Variants in TM9SF3 observed in about 807,000 individuals in gnomAD.
TM9SF3 encodes the protein SM-11044-binding protein.
TM9SF3 carries 14 observed loss-of-function variants against 78.6 expected under a neutral mutation model. The observed-to-expected ratio is 0.18, with a 90% CI of 0.12 to 0.28. The LOEUF (loss-of-function observed/expected upper bound fraction) is 0.28, where lower values mean the gene tolerates loss of function less well. TM9SF3 is among the 10% of genes least tolerant of loss of function. The pLI is 1.00. For missense variants in TM9SF3, 496 were observed against 721.9 expected (o/e 0.69, Z 3.59); for synonymous variants, 231 against 241.7 (o/e 0.96, Z 0.41).
intron 3 of TM9SF3, among the ~76,000 whole-genome samples, chr10:96,564,365 A>C (rs1316120282): frequency 6.6e-6 from 1 of 152,212 alleles, no homozygotes; most frequent in Non-Finnish European, 1.5e-5. Context: ...AAAAATCTTC[A>C]GTGAATATTC....
chr10:96,565,119 CA>C (rs1848353870), intron 3 of TM9SF3, among the ~76,000 whole-genome samples, 184 bp downstream of exon 3: 1 of 152,074 alleles, frequency 6.6e-6, no homozygotes, highest in African/African-American at 2.4e-5. Context: ...TCATGTAAGG[CA>C]TGGCAATGTC....
chr10:96,571,343 T>G (rs1451324088), intron 2 of TM9SF3, among the ~76,000 whole-genome samples: 1 of 152,178 alleles, frequency 6.6e-6, no homozygotes. Context: ...TACCCTCAAC[T>G]TATCCCTGTA....
chr10:96,575,070 T>TAA (rs879589541), intron 2 of TM9SF3, among the ~76,000 whole-genome samples: 1 of 143,610 alleles, frequency 7.0e-6, no homozygotes, highest in African/African-American at 2.5e-5. Context: ...CTTAAAGTAT[T>TAA]AAAAAAAAAA....
chr10:96,524,786 A>T (rs1847820049), intron 14 of TM9SF3, among the ~76,000 whole-genome samples: 1 of 152,060 alleles, frequency 6.6e-6, no homozygotes, highest in African/African-American at 2.4e-5. Flanking sequence ...TTTTAGCAAC[A>T]TAAATTGATG....
At chr10:96,551,678 A>G (rs1440146281) in intron 6 of TM9SF3, among the ~76,000 whole-genome samples, 1 of 152,204 alleles carries the variant, frequency 6.6e-6, no homozygotes, top group East Asian at 1.9e-4. Context: ...ACAAAAAGAA[A>G]TGGTCAAATT....
At chr10:96,569,673 T>C (rs1848417680) in intron 2 of TM9SF3, among the ~76,000 whole-genome samples, 2 of 152,170 alleles carry the variant, frequency 1.3e-5, no homozygotes, top group South Asian at 2.1e-4. Flanking sequence ...GAAATACTTA[T>C]GTGCAATAGC....
At chr10:96,577,221 G>C (rs774481031) in intron 1 of TM9SF3, among the ~76,000 whole-genome samples, 3 of 135,950 alleles carry the variant, frequency 2.2e-5, no homozygotes, top group Non-Finnish European at 4.7e-5. Context: ...AGTTTATCCA[G>C]AACCTCATGT....
chr10:96,585,935 A>C (rs3748238), intron 1 of TM9SF3, among the ~76,000 whole-genome samples: 33,692 of 152,136 alleles, frequency 0.22, 4,272 homozygotes, highest in African/African-American at 0.32. Context: ...TTGATGTGAG[A>C]ATACCAATTA....
At chr10:96,531,850 T>C (rs1847899590) in intron 10 of TM9SF3, among the ~76,000 whole-genome samples, 3 of 152,090 alleles carry the variant, frequency 2.0e-5, no homozygotes, top group African/African-American at 7.2e-5. Flanking sequence ...CCTTTAAACT[T>C]ACCCTTCCCA....
chr10:96,548,521 C>T (rs2011190), intron 7 of TM9SF3, among the ~76,000 whole-genome samples: 2 of 151,920 alleles, frequency 1.3e-5, no homozygotes, highest in South Asian at 2.1e-4. Flanking sequence ...TTTTAGGCCG[C>T]GCACAGTGGC....
rs955628838 is a variant in TM9SF3 at position 96,520,736 on chromosome 10, T to A, written c.*1527A>T. On this transcript the variant is annotated 3_prime_UTR_variant, in exon 15 of 15. Transcript: ENST00000371142. ...CAGTACGTTAACCACTTTTACCCCATCCCCACTTTACACGGTACACCAACC... is the reference window on the plus strand; with the variant it reads ...CAGTACGTTAACCACTTTTACCCCAACCCCACTTTACACGGTACACCAACC... The A allele has an allele frequency of 1.1e-4, 43 of 392,790 alleles. No individual in the cohort carries two copies. The highest frequency in any genetic ancestry group is 2.7e-5 in the Non-Finnish European group (6 of 222,086). 24.3% of individuals were successfully genotyped at this position (392,790 alleles called of 1,614,324 possible).
chr10:96,528,418 C>G (rs1366560188), intron 11 of TM9SF3, among the ~76,000 whole-genome samples: 2 of 151,826 alleles, frequency 1.3e-5, no homozygotes, highest in Non-Finnish European at 2.9e-5. Context: ...CACCTCTACA[C>G]AAACTGAATA....
chr10:96,581,832 G>A (rs1209574429), intron 1 of TM9SF3, among the ~76,000 whole-genome samples: 1 of 152,280 alleles, frequency 6.6e-6, no homozygotes, highest in African/African-American at 2.4e-5. Flanking sequence ...CTGAGTAAAC[G>A]ATTCTAGTAG....
At chr10:96,533,695 G>T (rs1185500353) in intron 9 of TM9SF3, among the ~76,000 whole-genome samples, 1 of 151,964 alleles carries the variant, frequency 6.6e-6, no homozygotes, top group Non-Finnish European at 1.5e-5. Context: ...TTTCAACTCA[G>T]ATCTGCCAGC....
At chr10:96,557,489 A>C (rs1454471563) in intron 5 of TM9SF3, among the ~76,000 whole-genome samples, 2 of 152,154 alleles carry the variant, frequency 1.3e-5, no homozygotes, top group African/African-American at 4.8e-5. Context: ...CCCACATAAT[A>C]ATTTGATCCT....
intron 2 of TM9SF3, among the ~76,000 whole-genome samples, chr10:96,573,577 G>A (rs1295515517): frequency 6.6e-6 from 1 of 152,126 alleles, no homozygotes; most frequent in Non-Finnish European, 1.5e-5. Context: ...ATCTGAAAGT[G>A]CTTAGCTTAG....
In TM9SF3 at chr10:96,551,231, G is replaced by C. The variant is rs377717073; in HGVS notation, c.959+14C>G. The C allele has an allele frequency of 5.1e-5, 81 of 1,598,712 alleles. No individual in the cohort carries two copies. The highest frequency in any genetic ancestry group is 6.8e-5 in the Non-Finnish European group (80 of 1,172,482). On this transcript the variant is annotated intron_variant, in intron 7 of 14. Transcript: ENST00000371142. ...AACAATAAAGACATAATACAGTTAAGTGTAGGCACTTACTCAGTATATAAA... is the reference window on the plus strand; with the variant it reads ...AACAATAAAGACATAATACAGTTAACTGTAGGCACTTACTCAGTATATAAA...
rs1848355816 is a variant in TM9SF3 at position 96,565,341 on chromosome 10, G to A, written c.384C>T (p.Tyr128=). The A allele has an allele frequency of 6.4e-7, 1 of 1,566,830 alleles. No homozygotes were observed. Among genetic ancestry groups the A allele is most frequent in the Non-Finnish European group, 8.6e-7 (1 of 1,166,162 alleles). The stretch of plus-strand genomic sequence containing the variant: ...AATCATCTATGTACATCTGGTACCA[G>A]TAATGATTTTTTATGGCATATACAA... ...DAFVYAIKNH[Y]WYQMYIDDLP... The change falls in exon 3 of 15, where the codon TAC becomes TAT. Residue 128 remains tyrosine, a synonymous_variant. Coordinates refer to ENST00000371142, the MANE Select transcript of TM9SF3 (RefSeq NM_020123.4).
Position 96,527,265 on chromosome 10 carries a change from T to C in TM9SF3, c.1650A>G (p.Ser550=). 6.2e-7 allele frequency: 1 copy of C among 1,611,788 alleles called. No individual in the cohort carries two copies. The highest frequency in any genetic ancestry group is 8.5e-7 in the Non-Finnish European group (1 of 1,178,730). The stretch of plus-strand genomic sequence containing the variant: ...ATACCGCCATATATCCAAAGTAAAA[T>C]GATGTTTGAAATAAGCCATACATCC... ...KTKMYGLFQT[S]FYFGYMAVFS... The change falls in exon 14 of 15, where the codon TCA becomes TCG. Residue 550 remains serine, a synonymous_variant. Coordinates refer to ENST00000371142, the MANE Select transcript of TM9SF3 (RefSeq NM_020123.4).
Sources: allele counts gnomAD v4.1 joint callset (sites outside exome capture counted in the v4.1 genomes callset), GRCh38; gene constraint gnomAD v4.1.1; transcripts MANE v1.5; gene names NCBI Gene and HGNC (gene_info 2026-07-23, HGNC 2026-07-21).